MTOR: variants seen among roughly 807,000 people sequenced by gnomAD.
MTOR encodes the protein serine/threonine-protein kinase mTOR.
In MTOR, 70 loss-of-function variants were observed where a neutral mutation model predicts 319.8. The ratio of observed to expected loss-of-function variants is 0.22; its 90% CI spans 0.18 to 0.27. The LOEUF (loss-of-function observed/expected upper bound fraction) is 0.27, where lower values mean the gene tolerates loss of function less well. Among genes scored for constraint, MTOR ranks in the 10% least tolerant of loss-of-function variants. The pLI is 1.00. For synonymous variants in MTOR, 1,183 were observed against 1,211.4 expected, an observed-to-expected ratio of 0.98 and a Z score of 0.49; for missense variants, 1,890 against 3,274.4, an observed-to-expected ratio of 0.58 and a Z score of 10.32.
chr1:11,127,236 G>A lies in MTOR; in HGVS notation c.6217-92C>T, dbSNP rs1642881657. The A allele has an allele frequency of 6.4e-7, 1 of 1,554,534 alleles. No homozygotes were observed. Among genetic ancestry groups the A allele is most frequent in the African/African-American group, 1.4e-5 (1 of 73,568 alleles). ...CAGGCTGACTGCAGATATTCCTCAG[G>A]AGCCCGCTGTGGCCTGAAAACACTG... On this transcript the variant is annotated intron_variant, in intron 44 of 57. Coordinates refer to ENST00000361445, the MANE Select transcript of MTOR (RefSeq NM_004958.4). The surrounding 1 kb of genome is among the most constrained non-coding windows in gnomAD (Gnocchi z 5.5).
Position 11,122,172 on chromosome 1 carries a change from T to C in MTOR, c.6663-46A>G, listed in dbSNP as rs113879078. The C allele has an allele frequency of 1.8e-3, 2,883 of 1,610,556 alleles. 4 individuals carry two copies. Among genetic ancestry groups the C allele is most frequent in the Non-Finnish European group, 2.1e-3 (2,414 of 1,177,530 alleles). ...GGGTTAGTGTACCGTAAAGAGAGTA[T>C]ACCCTTGAGCAGCTCAGAACACAGG... On this transcript the variant is annotated intron_variant, in intron 47 of 57. Coordinates refer to ENST00000361445, the MANE Select transcript of MTOR (RefSeq NM_004958.4).
chr1:11,157,691 C>T (rs75549953), intron 29 of MTOR, among the ~76,000 whole-genome samples: 1,595 of 152,296 alleles, frequency 0.01, 38 homozygotes, highest in African/African-American at 0.037. Flanking sequence ...TCGCTCCGAT[C>T]TGCTGGAGTG....
At chr1:11,219,307 G>A (rs1450841975) in intron 19 of MTOR, among the ~76,000 whole-genome samples, 1 of 151,818 alleles carries the variant, frequency 6.6e-6, no homozygotes, top group Non-Finnish European at 1.5e-5. Context: ...AAAAAAATCT[G>A]TCCACTGGTA....
chr1:11,172,879 A>AT (rs1324449198), intron 28 of MTOR, among the ~76,000 whole-genome samples: 1 of 151,042 alleles, frequency 6.6e-6, no homozygotes, highest in Non-Finnish European at 1.5e-5. Flanking sequence ...AAAAAAAAAA[A>AT]TTACAACTTT....
chr1:11,189,834 G>C (rs1557822435), intron 28 of MTOR: 1 of 1,614,090 alleles, frequency 6.2e-7, no homozygotes, highest in South Asian at 1.1e-5. Context: ...TGGAGCTGGA[G>C]AGCAACAGCA....
chr1:11,258,558 T>C lies in MTOR; in HGVS notation c.198A>G (p.Gln66=). The C allele has an allele frequency of 6.2e-7, 1 of 1,614,132 alleles. No individual in the cohort carries two copies. The highest frequency in any genetic ancestry group is 8.5e-7 in the Non-Finnish European group (1 of 1,180,006). The change falls in exon 3 of 58, where the codon CAA becomes CAG. Residue 66 remains glutamine (Q), a synonymous_variant. Transcript: ENST00000361445. ...CCAATTCAAAAATGTGATGGTTCAG[T>C]TGGTCATAGAAGCGAGTAGACTCCT... ...SQEESTRFYD[Q]LNHHIFELVS... is the part of the protein sequence containing the mutation.
chr1:11,217,562 G>C (rs532682839), intron 19 of MTOR, among the ~76,000 whole-genome samples: 30 of 151,250 alleles, frequency 2.0e-4, no homozygotes, highest in Non-Finnish European at 3.7e-4. Context: ...CACCATGCCC[G>C]GCTAATTTTT....
intron 31 of MTOR, 113 bp from the exon 32 acceptor site, chr1:11,146,904 A>T: frequency 1.4e-6 from 1 of 725,432 alleles, no homozygotes. Flanking sequence ...GGATATAAAC[A>T]AGACAAATAA....
At chr1:11,216,027 T>G in intron 20 of MTOR, 121 bp downstream of exon 20, 1 of 582,690 alleles carries the variant, frequency 1.7e-6, no homozygotes, top group Non-Finnish European at 2.9e-6. Context: ...TTCCACTTCC[T>G]GTACTAAGAC....
At chr1:11,194,349 T>G (rs946978818) in intron 28 of MTOR, 1 of 984,572 alleles carries the variant, frequency 1.0e-6, no homozygotes. Context: ...CTTATTAGAT[T>G]CACACCTATA....
chr1:11,232,668 A>G (rs1023391177), intron 15 of MTOR, 140 bp from the exon 16 acceptor site: 1 of 620,490 alleles, frequency 1.6e-6, no homozygotes, highest in Non-Finnish European at 2.8e-6. Context: ...TGGCATCAGG[A>G]GCTCCAGACC....
Position 11,234,269 on chromosome 1 carries a change from T to C in MTOR, c.2209-4A>G. 2 of 1,609,824 alleles carry C rather than the reference T, an allele frequency of 1.2e-6. No individual in the cohort carries two copies. Among genetic ancestry groups the C allele is most frequent in the Non-Finnish European group, 1.7e-6 (2 of 1,178,104 alleles). ...TGTGCTCCAACTCTGTCAAAATCTG[T>C]AGGGAAGAAAGGCTCATATGTTCTC... On this transcript the variant is annotated splice_polypyrimidine_tract_variant and splice_region_variant and intron_variant, in intron 13 of 57. Transcript: ENST00000361445.
At chr1:11,244,781 C>T (rs1271000241) in intron 8 of MTOR, among the ~76,000 whole-genome samples, 1 of 152,188 alleles carries the variant, frequency 6.6e-6, no homozygotes, top group Non-Finnish European at 1.5e-5. Flanking sequence ...TGTTTAGATA[C>T]ACAAACATTT....
rs1312291382 is a variant in MTOR, at chr1:11,212,858, A to G, written c.3336T>C (p.His1112=). The change falls in exon 22 of 58, where the codon CAT becomes CAC. Residue 1112 remains histidine, a synonymous_variant. Transcript: ENST00000361445. This position sits in a 1 kb window ranked among gnomAD's most constrained non-coding sequence, Gnocchi z 4.1. The part of the protein sequence containing the change: ...LFGANLDDYL[H]LLLPPIVKLF... ...ACTTAACAATAGGAGGCAGCAGTAA[A>G]TGCAGGTAGTCATCCAGGTTGGCGC... The G allele has an allele frequency of 3.1e-6, 5 of 1,614,162 alleles. No homozygotes were observed. The highest frequency in any genetic ancestry group is 4.2e-6 in the Non-Finnish European group (5 of 1,180,000).
At chr1:11,190,838 C>T (rs968969261) in intron 28 of MTOR, among the ~76,000 whole-genome samples, 3 of 152,152 alleles carry the variant, frequency 2.0e-5, no homozygotes, top group African/African-American at 7.2e-5. Context: ...TTATAAACTA[C>T]ATGAAGAACA....
Position 11,127,741 on chromosome 1 carries a change from C to G in MTOR, c.6099G>C (p.Glu2033Asp), listed in dbSNP as rs2100408546. Residue 2033 changes from glutamate (E) to aspartate (D), a missense_variant, in exon 44 of 58, where the codon GAG (glutamate) becomes GAC (aspartate). This residue lies in a region of MTOR where 249 missense variants were observed against 596.2 expected (regional missense o/e 0.42). Transcript: ENST00000361445. This position sits in a 1 kb window ranked among gnomAD's most constrained non-coding sequence, Gnocchi z 5.5. Reference sequence around the variant, plus strand: ...TTTCCCCAAAGTACAAACGAGATGCCTCTTCCAGGCCTTCATGCCACATCT... The same window carrying G: ...TTTCCCCAAAGTACAAACGAGATGCGTCTTCCAGGCCTTCATGCCACATCT... ...WHEMWHEGLEEASRLYFGERN... is the reference protein window; with the variant it reads ...WHEMWHEGLEDASRLYFGERN... The G allele has an allele frequency of 6.2e-7, 1 of 1,614,162 alleles. No individual in the cohort carries two copies. The highest frequency in any genetic ancestry group is 8.5e-7 in the Non-Finnish European group (1 of 1,180,042).
At chr1:11,244,900 C>A (rs1648617553) in intron 8 of MTOR, among the ~76,000 whole-genome samples, 1 of 152,154 alleles carries the variant, frequency 6.6e-6, no homozygotes. Context: ...GTAGGCTATA[C>A]CATCTGGGTT....
At chr1:11,232,388 T>C (rs1214632374) in intron 16 of MTOR, 48 bp downstream of exon 16, 2 of 1,451,538 alleles carry the variant, frequency 1.4e-6, no homozygotes, top group Non-Finnish European at 1.9e-6. Flanking sequence ...GCAAAGTCCC[T>C]GGACTCATGG....
Position 11,216,714 on chromosome 1 carries a change from T to C in MTOR, c.3031-480A>G, listed in dbSNP as rs112227136. 2.4e-3 allele frequency among the ~76,000 whole-genome samples: 365 copies of C among 150,064 alleles called. 3 individuals are homozygous for C. Among genetic ancestry groups the C allele is most frequent in the African/African-American group, 8.1e-3 (328 of 40,714 alleles). On this transcript the variant is annotated intron_variant, in intron 19 of 57. Coordinates refer to ENST00000361445, the MANE Select transcript of MTOR (RefSeq NM_004958.4). ...TGATAGTGGTGGGGACTCAAAACAA[T>C]TGTCAGAGGTTTTTACACACAAGGC...
Sources: allele counts gnomAD v4.1 joint callset (sites outside exome capture counted in the v4.1 genomes callset), GRCh38; gene constraint gnomAD v4.1.1; regional missense constraint gnomAD v4.1.1; non-coding constraint Gnocchi (gnomAD v3.1); transcripts MANE v1.5; gene names NCBI Gene and HGNC (gene_info 2026-07-23, HGNC 2026-07-21).